ASRGL1: variants seen among roughly 807,000 people sequenced by gnomAD.
ASRGL1 encodes isoaspartyl peptidase/L-asparaginase.
A neutral mutation model predicts 22.4 loss-of-function variants in ASRGL1; 16 were observed. That is an observed-to-expected ratio of 0.71 (90% CI 0.48 to 1.08). ASRGL1 has a LOEUF of 1.08. Ranked by LOEUF, ASRGL1 falls within the 50% of genes least tolerant of loss-of-function variation. The probability of loss-of-function intolerance (pLI) is 0.00; values close to 1 mark genes in which losing one functional copy is unlikely to be tolerated. For synonymous variants in ASRGL1, 165 were observed against 159.3 expected (o/e 1.04, Z -0.27); for missense variants, 412 against 410.1 (o/e 1.00, Z -0.04).
chr11:62,399,037 G>T, the ASRGL1 span, among the ~76,000 whole-genome samples: 3 of 152,128 alleles, frequency 2.0e-5, no homozygotes, highest in Non-Finnish European at 4.4e-5. Flanking sequence ...ACGTGGTGGT[G>T]CAAAACCCCG....
intron 4 of ASRGL1, among the ~76,000 whole-genome samples, chr11:62,364,535 T>C (rs535565125): frequency 6.6e-6 from 1 of 152,316 alleles, no homozygotes; most frequent in African/African-American, 2.4e-5. Flanking sequence ...AGTAAAGATA[T>C]CTGCACTTCC....
Position 62,392,203 on chromosome 11 carries a change from C to T in ASRGL1, c.846C>T (p.Ser282=), listed in dbSNP as rs1444282416. 1.9e-6 allele frequency: 3 copies of T among 1,614,236 alleles called. No individual in the cohort carries two copies. The highest frequency in any genetic ancestry group is 2.5e-6 in the Non-Finnish European group (3 of 1,180,046). ...GDWVAKWTST[S]MPWAAAKDGK... ...GGGTGGCAAAGTGGACCTCCACCTC[C>T]ATGCCCTGGGCAGCCGCCAAGGACG... Residue 282 remains serine, a synonymous_variant, in exon 7 of 7, where the codon TCC becomes TCT. Transcript: ENST00000415229.
chr11:62,391,219 G>C (rs931137688), intron 5 of ASRGL1, among the ~76,000 whole-genome samples: 2 of 152,152 alleles, frequency 1.3e-5, no homozygotes, highest in Non-Finnish European at 2.9e-5. Flanking sequence ...ACAGGGAGAG[G>C]GTGGCTTCAT....
chr11:62,380,149 T>C (rs943314369), intron 4 of ASRGL1, among the ~76,000 whole-genome samples: 1 of 152,156 alleles, frequency 6.6e-6, no homozygotes, highest in Admixed American at 6.5e-5. Flanking sequence ...GTTTTATGCA[T>C]AGCTCCTCCA....
At chr11:62,345,804 T>C (rs896467008) in intron 2 of ASRGL1, among the ~76,000 whole-genome samples, 1 of 152,178 alleles carries the variant, frequency 6.6e-6, no homozygotes, top group African/African-American at 2.4e-5. Flanking sequence ...AGACAGTGTT[T>C]CCACAGAGAC....
chr11:62,391,577 G>A lies in ASRGL1; in HGVS notation c.666G>A (p.Gly222=), dbSNP rs906210896. The part of the protein sequence containing the change: ...DIGAVSTTGH[G]ESILKVNLAR... ...GAGCCGTCTCAACCACAGGGCATGG[G>A]GAAAGCATCCTGAAGGTGAACCTGG... Residue 222 remains glycine, a synonymous_variant, in exon 6 of 7, where the codon GGG becomes GGA. Coordinates refer to ENST00000415229, the MANE Select transcript of ASRGL1 (RefSeq NM_001083926.2). 3 of 1,612,630 alleles carry A rather than the reference G, an allele frequency of 1.9e-6. No individual in the cohort carries two copies. Among genetic ancestry groups the A allele is most frequent in the Admixed American group, 1.7e-5 (1 of 59,820 alleles).
intron 4 of ASRGL1, chr11:62,372,791 C>T: frequency 1.3e-6 from 2 of 1,578,476 alleles, no homozygotes; most frequent in South Asian, 2.2e-5. Context: ...GTTACACCTG[C>T]TCCTTTGCCG....
At chr11:62,376,561 G>A (rs922530389) in intron 4 of ASRGL1, among the ~76,000 whole-genome samples, 5 of 152,116 alleles carry the variant, frequency 3.3e-5, no homozygotes, top group Non-Finnish European at 7.3e-5. Flanking sequence ...TGCAGAAGTA[G>A]TAGTCTGATT....
At chr11:62,338,932 C>CAAAAA (rs576869521) in intron 2 of ASRGL1, among the ~76,000 whole-genome samples, 1,580 of 101,456 alleles carry the variant, frequency 0.016, 125 homozygotes, top group Middle Eastern at 0.047. Flanking sequence ...GAGACTATCT[C>CAAAAA]AAAAAAAAAA....
At chr11:62,366,639 C>T (rs546467315) in intron 4 of ASRGL1, among the ~76,000 whole-genome samples, 1 of 151,706 alleles carries the variant, frequency 6.6e-6, no homozygotes, top group African/African-American at 2.4e-5. Context: ...ATTATTTTTT[C>T]CCTTTCTTAT....
intron 5 of ASRGL1, among the ~76,000 whole-genome samples, chr11:62,390,548 A>G (rs1947313634): frequency 6.6e-6 from 1 of 152,206 alleles, no homozygotes; most frequent in South Asian, 2.1e-4. Context: ...AAAGTAAGCA[A>G]AGACTTGGCT....
At chr11:62,360,164 A>G (rs1946399647) in intron 4 of ASRGL1, among the ~76,000 whole-genome samples, 1 of 151,492 alleles carries the variant, frequency 6.6e-6, no homozygotes, top group African/African-American at 2.4e-5. Context: ...AGTAGCTGGT[A>G]TTACAGGTGT....
chr11:62,364,089 G>A (rs984584613), intron 4 of ASRGL1, among the ~76,000 whole-genome samples: 3 of 150,762 alleles, frequency 2.0e-5, no homozygotes, highest in African/African-American at 7.3e-5. Context: ...AACCCAGGAG[G>A]CGGAGGTTGC....
downstream of ASRGL1, among the ~76,000 whole-genome samples, chr11:62,397,986 G>A (rs565063567): frequency 5.5e-4 from 84 of 152,048 alleles, no homozygotes; most frequent in Middle Eastern, 6.8e-3. Context: ...CGGGCCCCTC[G>A]GCGTCGCATC....
At chr11:62,363,986 G>A (rs547767849) in intron 4 of ASRGL1, among the ~76,000 whole-genome samples, 44 of 151,846 alleles carry the variant, frequency 2.9e-4, no homozygotes, top group African/African-American at 9.4e-4. Context: ...GTGAAACCAC[G>A]TCTCTACTAA....
At chr11:62,369,456 C>G (rs914637408) in intron 4 of ASRGL1, among the ~76,000 whole-genome samples, 1 of 152,056 alleles carries the variant, frequency 6.6e-6, no homozygotes, top group African/African-American at 2.4e-5. Flanking sequence ...CCCACATAAC[C>G]CTTTTCTTTT....
chr11:62,372,535 C>A, intron 4 of ASRGL1: 1 of 967,646 alleles, frequency 1.0e-6, no homozygotes, highest in Non-Finnish European at 1.7e-6. Context: ...CAAACTAGTT[C>A]CCCAGCGAGT....
At chr11:62,389,973 T>C (rs1461449056) in intron 5 of ASRGL1, 2 of 152,848 alleles carry the variant, frequency 1.3e-5, no homozygotes, top group East Asian at 1.9e-4. Context: ...AGTAATAATC[T>C]ACACTCTCGA....
At chr11:62,351,004 T>C (rs574940771) in intron 2 of ASRGL1, among the ~76,000 whole-genome samples, 1 of 152,328 alleles carries the variant, frequency 6.6e-6, no homozygotes, top group South Asian at 2.1e-4. Context: ...GTTTTAGCTG[T>C]AGTATTTTTG....
Sources: gnomAD v4.1 joint callset for allele counts (sites outside exome capture counted in the v4.1 genomes callset) on GRCh38, gnomAD v4.1.1 for gene constraint, MANE v1.5 for transcripts, NCBI Gene and HGNC (gene_info 2026-07-23, HGNC 2026-07-21) for gene names.